Variants in UNC13B observed in about 807,000 individuals in gnomAD.
UNC13B encodes the protein protein unc-13 homolog B.
In UNC13B, 144 loss-of-function variants were observed where a neutral mutation model predicts 211.0. The ratio of observed to expected loss-of-function variants is 0.68; its 90% confidence interval spans 0.60 to 0.78. The LOEUF (loss-of-function observed/expected upper bound fraction) is 0.78, where lower values mean the gene tolerates loss of function less well. Among genes scored for constraint, UNC13B ranks in the 30% least tolerant of loss-of-function variants. The pLI is 0.00. For missense variants in UNC13B, 1,777 were observed against 2,002.0 expected (o/e 0.89, Z 2.14); for synonymous variants, 709 against 725.8 (o/e 0.98, Z 0.37).
intron 1 of UNC13B, among the ~76,000 whole-genome samples, chr9:35,178,223 C>A (rs181813610): frequency 4.7e-4 from 72 of 152,222 alleles, no homozygotes; most frequent in Admixed American, 1.3e-3. Flanking sequence ...TTGAAAAATA[C>A]TATTGCTGGG....
chr9:35,252,313 A>AATG (rs10694307), intron 6 of UNC13B, among the ~76,000 whole-genome samples: 149,302 of 152,050 alleles, frequency 0.98, 73,349 homozygotes, highest in East Asian at 1. Context: ...GAGTCTGAAA[A>AATG]ATGATTTTCT....
rs375280400 is a variant in UNC13B, at chr9:35,403,738, G to T, written c.12738-10G>T. ...ACTCTGGCCTCATAACTTCTATCTT[G>T]TGCTCACAGCCTCCTGGGAAATGAG... On this transcript the variant is annotated splice_polypyrimidine_tract_variant and intron_variant, in intron 39 of 39. Coordinates refer to ENST00000635942, the MANE Select transcript of UNC13B (RefSeq NM_001371189.2). 2 of 1,613,714 alleles carry T rather than the reference G, an allele frequency of 1.2e-6. No individual in the cohort carries two copies. Among genetic ancestry groups the T allele is most frequent in the African/African-American group, 2.7e-5 (2 of 74,874 alleles).
Position 35,396,906 on chromosome 9 carries a change from G to A in UNC13B, c.11501G>A (p.Arg3834His), listed in dbSNP as rs138319899. 1.3e-5 allele frequency: 21 copies of A among 1,614,030 alleles called. No homozygotes were observed. Among genetic ancestry groups the A allele is most frequent in the South Asian group, 6.6e-5 (6 of 91,076 alleles). Residue 3834 changes from arginine to histidine, a missense_variant, in exon 28 of 40, where the codon CGT (arginine) becomes CAT (histidine). Arg to His is a conservative substitution (Grantham distance 29, BLOSUM62 0). Coordinates refer to ENST00000635942, the MANE Select transcript of UNC13B (RefSeq NM_001371189.2). ...GAGGATGTATCCCTGGAATTCCTGC[G>A]TGGGGCCCTGGAACGAGATAAGAAG... The part of the protein sequence containing the change: ...ENEDVSLEFL[R>H]GALERDKKDG...
intron 11 of UNC13B, among the ~76,000 whole-genome samples, chr9:35,317,448 C>T (rs914343452): frequency 1.3e-5 from 2 of 151,054 alleles, no homozygotes; most frequent in Admixed American, 6.6e-5. Flanking sequence ...TGAGCTCAAG[C>T]GATCCTCCTA....
Position 35,162,221 on chromosome 9 carries a change from A to C in UNC13B, c.-63A>C. The stretch of plus-strand genomic sequence containing the variant: ...ACGAGAGCAGTCGCGGCACCTGCTG[A>C]GAGGAAAGAGGGAGCGGTCCGGCGC... On this transcript the variant is annotated 5_prime_UTR_variant, in exon 1 of 40. The change abolishes the stop of an existing upstream ORF in the 5' untranslated region. Transcript: ENST00000635942. The C allele has an allele frequency of 4.5e-6, 7 of 1,541,460 alleles. No individual in the cohort carries two copies. The highest frequency in any genetic ancestry group is 6.1e-6 in the Non-Finnish European group (7 of 1,146,464).
rs535972401 is a variant in UNC13B, at chr9:35,342,156, G to C, written c.9415-24791G>C. 4.1e-6 allele frequency: 4 copies of C among 985,490 alleles called. No homozygotes were observed. In the African/African-American group the frequency reaches 7.0e-5, roughly 17 times the overall value. 61.0% of individuals were successfully genotyped at this position (985,490 alleles called of 1,614,324 possible). ...CTGAGAATATTAGCTCCTTGGGTCT[G>C]TTTGTCGGTTGGGCAAGCAGTGGTG... On this transcript the variant is annotated intron_variant, in intron 11 of 39. Transcript: ENST00000635942.
chr9:35,324,832 G>A (rs1830922612), intron 11 of UNC13B, among the ~76,000 whole-genome samples: 1 of 151,874 alleles, frequency 6.6e-6, no homozygotes, highest in Non-Finnish European at 1.5e-5. Context: ...CATTTATTAT[G>A]TCACCTATCA....
chr9:35,287,562 T>A (rs1457915748), intron 7 of UNC13B, among the ~76,000 whole-genome samples: 1 of 152,232 alleles, frequency 6.6e-6, no homozygotes, highest in African/African-American at 2.4e-5. Flanking sequence ...TTTTTAAAAT[T>A]TCTGTCTGCT....
intron 1 of UNC13B, among the ~76,000 whole-genome samples, chr9:35,218,508 C>T (rs903080880): frequency 3.3e-5 from 5 of 151,790 alleles, no homozygotes; most frequent in South Asian, 2.1e-4. Context: ...TCAAGGCTCA[C>T]GGCAACCTCT....
At chr9:35,391,179 T>G (rs1835509816) in intron 26 of UNC13B, among the ~76,000 whole-genome samples, 1 of 152,342 alleles carries the variant, frequency 6.6e-6, no homozygotes, top group African/African-American at 2.4e-5. Flanking sequence ...AAGATACTTC[T>G]TCCCTCACTT....
intron 7 of UNC13B, among the ~76,000 whole-genome samples, chr9:35,287,411 C>A (rs1828860784): frequency 6.6e-6 from 1 of 152,194 alleles, no homozygotes; most frequent in African/African-American, 2.4e-5. Flanking sequence ...GGATTACAGG[C>A]AAGAGCCACC....
At chr9:35,184,435 A>G (rs888202738) in intron 1 of UNC13B, among the ~76,000 whole-genome samples, 2 of 152,170 alleles carry the variant, frequency 1.3e-5, no homozygotes, top group Non-Finnish European at 2.9e-5. Flanking sequence ...GCATTGAGTG[A>G]GCGAGACTCC....
chr9:35,184,351 A>G (rs955347364), intron 1 of UNC13B, among the ~76,000 whole-genome samples: 3 of 152,220 alleles, frequency 2.0e-5, no homozygotes, highest in Non-Finnish European at 4.4e-5. Context: ...TGGGAGGCCA[A>G]GGCAGGCGGC....
chr9:35,401,189 T>TG (rs1175974929), intron 37 of UNC13B, among the ~76,000 whole-genome samples: 4 of 152,152 alleles, frequency 2.6e-5, no homozygotes, highest in African/African-American at 7.2e-5. Context: ...GCAGGCTGCC[T>TG]GGGGGAGTGA....
intron 6 of UNC13B, among the ~76,000 whole-genome samples, chr9:35,248,517 A>G (rs908186198): frequency 6.6e-6 from 1 of 151,314 alleles, no homozygotes; most frequent in African/African-American, 2.4e-5. Flanking sequence ...CCCTCTACAC[A>G]TTGCTTTGAA....
chr9:35,202,325 G>A (rs1187560476), intron 1 of UNC13B, among the ~76,000 whole-genome samples: 2 of 152,270 alleles, frequency 1.3e-5, no homozygotes, highest in Admixed American at 6.5e-5. Context: ...TTGATTTGAG[G>A]TGGAGAATTC....
chr9:35,252,097 G>A (rs1279842248), intron 6 of UNC13B, among the ~76,000 whole-genome samples: 5 of 152,120 alleles, frequency 3.3e-5, no homozygotes, highest in Admixed American at 6.5e-5. Flanking sequence ...TATTTACCAT[G>A]TTCCTTTATC....
At chr9:35,353,086 G>A (rs1026204320) in intron 11 of UNC13B, 5 of 1,232,188 alleles carry the variant, frequency 4.1e-6, no homozygotes, top group Middle Eastern at 6.2e-4. Context: ...TTGCAGCTCT[G>A]AGCTGTGACA....
At position 35,268,211 on chromosome 9, in the gene UNC13B, G is replaced by C. The variant is rs543210849; in HGVS notation, c.526+9161G>C. ...GTTTTTCCCCTCCCCAGGAGGTGGA[G>C]AGGGGAAGGAGTGACCTCTCTTCAC... On this transcript the variant is annotated intron_variant, in intron 7 of 39. Coordinates refer to ENST00000635942, the MANE Select transcript of UNC13B (RefSeq NM_001371189.2). Among the ~76,000 whole-genome samples, 97 of 152,276 alleles carry C rather than the reference G, an allele frequency of 6.4e-4. 1 individual carries two copies. Among genetic ancestry groups the C allele is most frequent in the African/African-American group, 2.1e-3 (88 of 41,568 alleles).
Sources: allele counts gnomAD v4.1 joint callset (sites outside exome capture counted in the v4.1 genomes callset), GRCh38; gene constraint gnomAD v4.1.1; transcripts MANE v1.5; gene names NCBI Gene and HGNC (gene_info 2026-07-23, HGNC 2026-07-21).